The following ULK4 variants were observed in gnomAD, a reference collection of about 807,000 sequenced individuals.
ULK4 encodes the protein unc-51 like kinase 4.
Under a neutral mutation model 160.6 loss-of-function variants are expected in ULK4, and 133 were observed. The ratio of observed to expected loss-of-function variants is 0.83; its 90% CI spans 0.72 to 0.96. The LOEUF is 0.96. Ranked by LOEUF, ULK4 falls within the 40% of genes least tolerant of loss-of-function variation. The pLI, the probability that ULK4 is intolerant of heterozygous loss-of-function variation, is 0.00. For synonymous variants in ULK4, 534 were observed against 539.8 expected, an observed-to-expected ratio of 0.99 and a Z score of 0.15; for missense variants, 1,580 against 1,499.5, an observed-to-expected ratio of 1.05 and a Z score of -0.89.
chr3:41,333,302 A>G (rs992618549), intron 35 of ULK4, among the ~76,000 whole-genome samples: 5 of 152,214 alleles, frequency 3.3e-5, no homozygotes, highest in Admixed American at 2.6e-4. Flanking sequence ...CTGTACTCAC[A>G]AAGAGGATCT....
At chr3:41,666,006 G>A (rs1056968969) in intron 29 of ULK4, among the ~76,000 whole-genome samples, 2 of 152,192 alleles carry the variant, frequency 1.3e-5, no homozygotes, top group African/African-American at 4.8e-5. Flanking sequence ...GCAGAGACAA[G>A]GAAAGACCAG....
At chr3:41,494,164 G>T (rs1258218169) in intron 32 of ULK4, among the ~76,000 whole-genome samples, 1 of 113,160 alleles carries the variant, frequency 8.8e-6, no homozygotes, top group Non-Finnish European at 1.9e-5. Flanking sequence ...GATGAACATT[G>T]ATGCAAAAAT....
intron 35 of ULK4, among the ~76,000 whole-genome samples, chr3:41,296,473 C>G (rs530560498): frequency 1.3e-5 from 2 of 152,138 alleles, no homozygotes; most frequent in East Asian, 3.9e-4. Context: ...GTTTCCTGGC[C>G]GATGCTGGGG....
At chr3:41,765,474 T>TGCA (rs1319914585) in intron 21 of ULK4, among the ~76,000 whole-genome samples, 2 of 152,164 alleles carry the variant, frequency 1.3e-5, no homozygotes, top group East Asian at 3.9e-4. Context: ...AGTTAATGGG[T>TGCA]GCAGCACACC....
chr3:41,575,632 C>G (rs1398878906), intron 31 of ULK4, among the ~76,000 whole-genome samples: 1 of 152,226 alleles, frequency 6.6e-6, no homozygotes, highest in African/African-American at 2.4e-5. Flanking sequence ...TAGAGGCCCT[C>G]TAGCAGTAGC....
At chr3:41,485,426 T>G (rs536343836) in intron 32 of ULK4, among the ~76,000 whole-genome samples, 1 of 152,248 alleles carries the variant, frequency 6.6e-6, no homozygotes, top group South Asian at 2.1e-4. Context: ...TATAGAAGGC[T>G]AAAAAATAAG....
rs1248477884 is a variant in ULK4 at position 41,824,163 on chromosome 3, T to C, written c.1765-4657A>G. On this transcript the variant is annotated intron_variant, in intron 18 of 36. Coordinates refer to ENST00000301831, the MANE Select transcript of ULK4 (RefSeq NM_017886.4). ...GGGTGAGAGAATGAGACTCTATCTT[T>C]AAAAAAAAAAAAAAAAAAAGGAGGA... Among the ~76,000 whole-genome samples the C allele has an allele frequency of 2.2e-3, 259 of 117,796 alleles. 1 individual carries two copies. Among genetic ancestry groups the C allele is most frequent in the Non-Finnish European group, 3.6e-3 (207 of 58,120 alleles). The allele number at this position is 117,796 out of a possible 152,430, so 77.3% of individuals were successfully genotyped here.
intron 32 of ULK4, among the ~76,000 whole-genome samples, chr3:41,487,814 TA>T (rs2084595781): frequency 6.6e-6 from 1 of 152,118 alleles, no homozygotes; most frequent in South Asian, 2.1e-4. Context: ...GACAAAAGAC[TA>T]AATAAAGTTA....
chr3:41,849,972 C>G (rs1206966714), intron 17 of ULK4, among the ~76,000 whole-genome samples: 1 of 152,094 alleles, frequency 6.6e-6, no homozygotes, highest in Non-Finnish European at 1.5e-5. Flanking sequence ...TCCCCGCACC[C>G]CACAACAGGC....
chr3:41,508,508 G>C (rs1463882929), intron 32 of ULK4, among the ~76,000 whole-genome samples: 1 of 152,098 alleles, frequency 6.6e-6, no homozygotes, highest in East Asian at 1.9e-4. Flanking sequence ...GCCACCTCCT[G>C]GCTGGAGGTC....
chr3:41,687,191 G>A (rs2036130862), intron 27 of ULK4, among the ~76,000 whole-genome samples: 1 of 152,130 alleles, frequency 6.6e-6, no homozygotes, highest in African/African-American at 2.4e-5. Flanking sequence ...TGGCCAACAT[G>A]GTGAAACCCC....
At chr3:41,401,658 T>G (rs2082181907) in intron 34 of ULK4, among the ~76,000 whole-genome samples, 1 of 152,190 alleles carries the variant, frequency 6.6e-6, no homozygotes. Context: ...CGTAGGTTCC[T>G]CTGTGTGTGC....
At chr3:41,247,100 G>T in intron 36 of ULK4, 108 bp from the exon 37 acceptor site, 1 of 1,049,088 alleles carries the variant, frequency 9.5e-7, no homozygotes, top group Non-Finnish European at 1.4e-6. Flanking sequence ...TGGTGGACCA[G>T]CTGCAGCATC....
intron 35 of ULK4, among the ~76,000 whole-genome samples, chr3:41,353,486 G>A (rs774139539): frequency 2.2e-4 from 33 of 151,578 alleles, no homozygotes; most frequent in Middle Eastern, 6.8e-3. Flanking sequence ...GCAACATAGC[G>A]AGAGCCCATT....
chr3:41,436,422 T>C (rs1648446154), intron 34 of ULK4, among the ~76,000 whole-genome samples: 1 of 152,230 alleles, frequency 6.6e-6, no homozygotes. Context: ...TATTTGAAAC[T>C]GATACCAGGT....
At chr3:41,955,123 C>T (rs1473541520) in intron 1 of ULK4, among the ~76,000 whole-genome samples, 1 of 152,082 alleles carries the variant, frequency 6.6e-6, no homozygotes, top group Non-Finnish European at 1.5e-5. Flanking sequence ...AACCCTGTCT[C>T]TACTAAAAAT....
intron 32 of ULK4, among the ~76,000 whole-genome samples, chr3:41,471,166 C>T (rs556734215): frequency 4.7e-4 from 72 of 151,874 alleles, no homozygotes; most frequent in Non-Finnish European, 6.9e-4. Flanking sequence ...AGATATTCCA[C>T]GCAAAGGGAA....
intron 27 of ULK4, among the ~76,000 whole-genome samples, chr3:41,691,134 TG>T (rs1340815994): frequency 6.6e-6 from 1 of 151,920 alleles, no homozygotes; most frequent in Non-Finnish European, 1.5e-5. Flanking sequence ...TGGCAGAGTT[TG>T]GTATATGACC....
rs529811209 is a variant in ULK4, at chr3:41,490,696, C to A, written c.3227-27443G>T. On this transcript the variant is annotated intron_variant, in intron 32 of 36. Coordinates refer to ENST00000301831, the MANE Select transcript of ULK4 (RefSeq NM_017886.4). ...ATATTGAATATATATTTGAACCGAG[C>A]AAGATGCTTCTTGAGAGTTTTCTAC... Among the ~76,000 whole-genome samples, 4 of 152,264 alleles carry A rather than the reference C, an allele frequency of 2.6e-5. No individual in the cohort carries two copies. In the South Asian group the frequency reaches 8.3e-4, roughly 32 times the overall value.
Sources: gnomAD v4.1 joint callset for allele counts (sites outside exome capture counted in the v4.1 genomes callset) on GRCh38, gnomAD v4.1.1 for gene constraint, MANE v1.5 for transcripts, NCBI Gene and HGNC (gene_info 2026-07-23, HGNC 2026-07-21) for gene names.